Variants in KIAA1549 observed in about 807,000 individuals in gnomAD.
The protein encoded by KIAA1549 is KIAA1549, also known as UPF0606 protein KIAA1549.
In KIAA1549, 70 loss-of-function variants were observed where a neutral mutation model predicts 156.4. The observed-to-expected ratio is 0.45, with a 90% CI of 0.37 to 0.55. The LOEUF is 0.55. Among genes scored for constraint, KIAA1549 ranks in the 20% least tolerant of loss-of-function variants. The probability of loss-of-function intolerance (pLI) is 0.00; values close to 1 mark genes in which losing one functional copy is unlikely to be tolerated. For synonymous variants in KIAA1549, 1,103 were observed against 1,066.4 expected, an observed-to-expected ratio of 1.03 and a Z score of -0.67; for missense variants, 2,428 against 2,540.9, an observed-to-expected ratio of 0.96 and a Z score of 0.96.
Position 138,868,121 on chromosome 7 carries a change from T to C in KIAA1549, c.4783A>G (p.Ile1595Val). The C allele has an allele frequency of 1.2e-6, 2 of 1,613,118 alleles. No individual in the cohort carries two copies. The highest frequency in any genetic ancestry group is 2.2e-5 in the East Asian group (1 of 44,876). Residue 1595 changes from isoleucine (I) to valine (V), a missense_variant, in exon 15 of 20, where the codon ATA (isoleucine) becomes GTA (valine). Ile to Val is a conservative substitution (Grantham distance 29). Around this residue, in one of 5 missense-constraint regions of KIAA1549, gnomAD observed 404 missense variants for 417.0 expected, o/e 0.97. Transcript: ENST00000422774. ...VFIEPRKSSR[I>V]KRSPKPRRKH... Reference sequence around the variant, plus strand: ...CGGCGAGGCTTGGGAGAACGTTTTATCCGTGAGCTGCCAGGAAAAAGAGAA... The same window carrying C: ...CGGCGAGGCTTGGGAGAACGTTTTACCCGTGAGCTGCCAGGAAAAAGAGAA...
chr7:138,855,516 G>C (rs1208351996), intron 16 of KIAA1549, among the ~76,000 whole-genome samples: 1 of 152,208 alleles, frequency 6.6e-6, no homozygotes, highest in Non-Finnish European at 1.5e-5. Context: ...AATCAGCAAA[G>C]TTCTGGCATG....
At chr7:138,838,207 C>T (rs1809804421) in intron 19 of KIAA1549, 47 bp from the exon 20 acceptor site, 4 of 1,440,394 alleles carry the variant, frequency 2.8e-6, no homozygotes, top group South Asian at 1.5e-5. Context: ...AAGAATAAGC[C>T]GAAACATCAA....
chr7:138,840,626 A>G (rs1007432676), intron 18 of KIAA1549, among the ~76,000 whole-genome samples: 5 of 152,134 alleles, frequency 3.3e-5, no homozygotes, highest in African/African-American at 1.2e-4. Flanking sequence ...CCTAAGCCTA[A>G]GTCTGTCCCC....
rs985788990 is a variant in KIAA1549 at position 138,906,828 on chromosome 7, T to C, written c.3460+91A>G. ...AAAATAATTTTTAAAAAATCAAGTCTTTTAAAAAACTAAAAAAATTTTAAG... is the reference window on the plus strand; with the variant it reads ...AAAATAATTTTTAAAAAATCAAGTCCTTTAAAAAACTAAAAAAATTTTAAG... On this transcript the variant is annotated intron_variant, in intron 6 of 19. Transcript: ENST00000422774. 10 of 1,060,096 alleles carry C rather than the reference T, an allele frequency of 9.4e-6. No individual in the cohort carries two copies. In the Admixed American group the frequency reaches 2.0e-4, roughly 22 times the overall value. 65.7% of individuals were successfully genotyped at this position (1,060,096 alleles called of 1,614,324 possible). A position where few individuals can be genotyped will look rare whatever the true frequency, so the allele number is the denominator to read the frequency against.
chr7:138,861,037 C>G (rs1584710184), intron 16 of KIAA1549, 102 bp downstream of exon 16: 1 of 1,171,812 alleles, frequency 8.5e-7, no homozygotes, highest in East Asian at 2.4e-5. Flanking sequence ...TAATTCTTAT[C>G]AAATGCAACC....
chr7:138,894,648 G>A (rs1195221513), intron 9 of KIAA1549, 122 bp from the exon 10 acceptor site: 1 of 868,314 alleles, frequency 1.2e-6, no homozygotes, highest in Non-Finnish European at 1.8e-6. Flanking sequence ...CTGGTTCCAG[G>A]TTCTAATCTC....
chr7:138,968,171 C>T (rs1814088182), intron 1 of KIAA1549, among the ~76,000 whole-genome samples: 1 of 152,070 alleles, frequency 6.6e-6, no homozygotes, highest in African/African-American at 2.4e-5. Context: ...GGGAACAACA[C>T]ACACCAGGCC....
intron 18 of KIAA1549, among the ~76,000 whole-genome samples, chr7:138,843,394 A>T (rs922713505): frequency 6.6e-6 from 1 of 152,224 alleles, no homozygotes; most frequent in Non-Finnish European, 1.5e-5. Context: ...ATCTTCTACA[A>T]TAAAAATACT....
At chr7:138,972,493 T>A (rs1159654553) in intron 1 of KIAA1549, among the ~76,000 whole-genome samples, 2 of 151,776 alleles carry the variant, frequency 1.3e-5, no homozygotes, top group African/African-American at 4.8e-5. Context: ...GCCAGCTCCT[T>A]CAATCCCCTT....
intron 9 of KIAA1549, among the ~76,000 whole-genome samples, chr7:138,897,480 A>G (rs1811714420): frequency 6.6e-6 from 1 of 152,230 alleles, no homozygotes; most frequent in African/African-American, 2.4e-5. Context: ...TGTTCTCCAT[A>G]AAGATTTTTC....
At chr7:138,863,468 G>A (rs532958244) in intron 15 of KIAA1549, among the ~76,000 whole-genome samples, 67 of 152,182 alleles carry the variant, frequency 4.4e-4, no homozygotes, top group African/African-American at 1.5e-3. Context: ...AGCGTGAAGG[G>A]CAGTAGGTTC....
At chr7:138,934,985 G>A (rs1267321055) in intron 1 of KIAA1549, among the ~76,000 whole-genome samples, 1 of 152,178 alleles carries the variant, frequency 6.6e-6, no homozygotes, top group Non-Finnish European at 1.5e-5. Flanking sequence ...ACAGAAAACA[G>A]AACTGGGCGC....
At chr7:138,838,884 GC>G (rs1175254386) in intron 19 of KIAA1549, among the ~76,000 whole-genome samples, 1 of 152,112 alleles carries the variant, frequency 6.6e-6, no homozygotes, top group Non-Finnish European at 1.5e-5. Context: ...AACACACCAT[GC>G]CAGGCACGGT....
chr7:138,874,774 C>A (rs974958514), intron 12 of KIAA1549, among the ~76,000 whole-genome samples: 3 of 152,106 alleles, frequency 2.0e-5, no homozygotes, highest in African/African-American at 7.2e-5. Flanking sequence ...TAGGCTGAGG[C>A]GGGAGGGTAA....
Position 138,835,011 on chromosome 7 carries a change from C to T in KIAA1549, c.*2895G>A, listed in dbSNP as rs1809665681. Reference sequence around the variant, plus strand: ...CAACATTTCTCCAAACATTCTGACTCAAATTTACAGTTTGTGTTACCACTA... The same window carrying T: ...CAACATTTCTCCAAACATTCTGACTTAAATTTACAGTTTGTGTTACCACTA... On this transcript the variant is annotated 3_prime_UTR_variant, in exon 20 of 20. Transcript: ENST00000422774. The T allele has an allele frequency of 8.9e-6, 2 of 225,340 alleles. No homozygotes were observed. Among genetic ancestry groups the T allele is most frequent in the Non-Finnish European group, 1.8e-5 (2 of 113,434 alleles). 14.0% of individuals were successfully genotyped at this position (225,340 alleles called of 1,614,324 possible). A position where few individuals can be genotyped will look rare whatever the true frequency, so the allele number is the denominator to read the frequency against.
intron 5 of KIAA1549, among the ~76,000 whole-genome samples, chr7:138,907,874 G>C (rs956100760): frequency 1.3e-5 from 2 of 152,142 alleles, no homozygotes; most frequent in South Asian, 4.2e-4. Flanking sequence ...TGAAAACGCA[G>C]CTAGCTCTGC....
intron 18 of KIAA1549, among the ~76,000 whole-genome samples, chr7:138,843,636 T>C (rs1013110412): frequency 6.6e-6 from 1 of 152,208 alleles, no homozygotes; most frequent in African/African-American, 2.4e-5. Flanking sequence ...CTATATTCGT[T>C]CAGATTTTAA....
intron 1 of KIAA1549, among the ~76,000 whole-genome samples, chr7:138,977,083 A>G (rs1007664047): frequency 1.3e-5 from 2 of 152,244 alleles, no homozygotes; most frequent in African/African-American, 4.8e-5. Flanking sequence ...ACACACCATA[A>G]GCATAAATGC....
At chr7:138,871,883 C>T (rs985214684) in intron 12 of KIAA1549, among the ~76,000 whole-genome samples, 2 of 152,248 alleles carry the variant, frequency 1.3e-5, no homozygotes, top group African/African-American at 4.8e-5. Flanking sequence ...GACCACACTT[C>T]TGACTTTTCA....
Sources: gnomAD v4.1 joint callset for allele counts (sites outside exome capture counted in the v4.1 genomes callset) on GRCh38, gnomAD v4.1.1 for gene constraint, gnomAD v4.1.1 regional missense constraint, MANE v1.5 for transcripts, NCBI Gene and HGNC (gene_info 2026-07-23, HGNC 2026-07-21) for gene names.